Variants in GET3 observed in about 807,000 individuals in gnomAD.
The protein encoded by GET3 is ATPase GET3.
Under a neutral mutation model 32.4 loss-of-function variants are expected in GET3, and 15 were observed. The observed-to-expected ratio is 0.46, with a 90% CI of 0.31 to 0.71. The LOEUF (loss-of-function observed/expected upper bound fraction) is 0.71. Ranked by LOEUF, GET3 falls within the 30% of genes least tolerant of loss-of-function variation. GET3 has a pLI of 0.05. For synonymous variants in GET3, 198 were observed against 185.6 expected, an observed-to-expected ratio of 1.07 and a Z score of -0.54; for missense variants, 333 against 459.0, an observed-to-expected ratio of 0.73 and a Z score of 2.51.
At chr19:12,738,176 C>T (rs918830320) in intron 1 of GET3, among the ~76,000 whole-genome samples, 1 of 152,082 alleles carries the variant, frequency 6.6e-6, no homozygotes, top group South Asian at 2.1e-4. Context: ...CAGGAGACCC[C>T]TTAGCTTATT....
intron 1 of GET3, 89 bp downstream of exon 1, chr19:12,737,755 G>A: frequency 1.4e-6 from 2 of 1,464,354 alleles, no homozygotes; most frequent in African/African-American, 1.5e-5. Context: ...CACCACGACC[G>A]GGGCATGGGG....
chr19:12,744,170 C>G (rs958553616), intron 2 of GET3, among the ~76,000 whole-genome samples: 1 of 145,986 alleles, frequency 6.8e-6, no homozygotes, highest in African/African-American at 2.5e-5. Context: ...GAGCTGAGAT[C>G]GCGCCACTGC....
chr19:12,742,921 G>C (rs1017719100), intron 2 of GET3, among the ~76,000 whole-genome samples: 1 of 152,190 alleles, frequency 6.6e-6, no homozygotes. Context: ...ACAGCAAGGG[G>C]AAAGGGAGTG....
At chr19:12,740,441 C>T (rs947555336) in intron 2 of GET3, among the ~76,000 whole-genome samples, 1 of 151,900 alleles carries the variant, frequency 6.6e-6, no homozygotes, top group Non-Finnish European at 1.5e-5. Context: ...CTTTGGGAGG[C>T]TGAGGCGGGC....
At chr19:12,743,500 G>A (rs1242013885) in intron 2 of GET3, among the ~76,000 whole-genome samples, 1 of 150,120 alleles carries the variant, frequency 6.7e-6, no homozygotes, top group Non-Finnish European at 1.5e-5. Flanking sequence ...ACAAAAATTA[G>A]CCAGGCATGG....
chr19:12,747,836 T>A lies in GET3; in HGVS notation c.916-137T>A, dbSNP rs1026063841. The A allele has an allele frequency of 1.9e-6, 2 of 1,056,566 alleles. No individual in the cohort carries two copies. Among genetic ancestry groups the A allele is most frequent in the Non-Finnish European group, 2.8e-6 (2 of 724,552 alleles). The allele number at this position is 1,056,566 out of a possible 1,614,324, so 65.4% of individuals were successfully genotyped here. On this transcript the variant is annotated intron_variant, in intron 6 of 6. Transcript: ENST00000357332. This position sits in a 1 kb window ranked among gnomAD's most constrained non-coding sequence, Gnocchi z 4.0. Reference sequence around the variant, plus strand: ...ACCATAGTGATGCAGCTCCCACTTATGACACCTTAAGCTCCTGCCCTATAT... The same window carrying A: ...ACCATAGTGATGCAGCTCCCACTTAAGACACCTTAAGCTCCTGCCCTATAT...
At chr19:12,737,296 G>A (rs1279440246), upstream of GET3, 14 of 660,924 alleles carry the variant, frequency 2.1e-5, no homozygotes, top group South Asian at 1.8e-4. Context: ...TCATTAGGTA[G>A]GGGGAACCCT....
intron 2 of GET3, among the ~76,000 whole-genome samples, chr19:12,740,372 C>A (rs1967645561): frequency 1.3e-5 from 2 of 150,480 alleles, no homozygotes; most frequent in Admixed American, 6.6e-5. Context: ...CAGAGCAACA[C>A]TCTGTCTCAA....
chr19:12,737,493 A>T (rs762605307), upstream of GET3: 2 of 1,527,916 alleles, frequency 1.3e-6, no homozygotes, highest in Non-Finnish European at 1.8e-6. Flanking sequence ...GGATCACGTG[A>T]GCCAGTTCCA....
At position 12,745,619 on chromosome 19, in the gene GET3, G is replaced by A; in HGVS notation, c.469G>A (p.Gly157Ser). ...CCTGTCTCCCCTCAGGCTGGTGAAGGGCATGAACTTCTCGGTGGTGGTATT... is the reference window on the plus strand; with the variant it reads ...CCTGTCTCCCCTCAGGCTGGTGAAGAGCATGAACTTCTCGGTGGTGGTATT... The part of the protein sequence containing the change: ...SYAEVMRLVK[G>S]MNFSVVVFDT... Residue 157 changes from glycine to serine, a missense_variant, in exon 4 of 7, where the codon GGC becomes AGC. This residue lies in a region of GET3 where 230 missense variants were observed against 389.2 expected (regional missense o/e 0.59). Transcript: ENST00000357332. This position sits in a 1 kb window ranked among gnomAD's most constrained non-coding sequence, Gnocchi z 5.0. 6.2e-7 allele frequency: 1 copy of A among 1,612,878 alleles called. No homozygotes were observed. Among genetic ancestry groups the A allele is most frequent in the South Asian group, 1.1e-5 (1 of 91,078 alleles).
intron 1 of GET3, among the ~76,000 whole-genome samples, chr19:12,738,099 G>A (rs540771671): frequency 7.2e-5 from 11 of 152,270 alleles, no homozygotes; most frequent in Admixed American, 5.2e-4. Context: ...GCTACAGGCA[G>A]GAGGTGTCCG....
chr19:12,741,123 A>T (rs1599448637), intron 2 of GET3, among the ~76,000 whole-genome samples: 1 of 152,002 alleles, frequency 6.6e-6, no homozygotes. Flanking sequence ...GGAGTTAAAG[A>T]CCAGCCTAGC....
In GET3 at chr19:12,747,935, C is replaced by A. The variant is rs1275207280; in HGVS notation, c.916-38C>A. 1.9e-6 allele frequency: 3 copies of A among 1,553,096 alleles called. No individual in the cohort carries two copies. Among genetic ancestry groups the A allele is most frequent in the Non-Finnish European group, 2.6e-6 (3 of 1,144,034 alleles). On this transcript the variant is annotated intron_variant, in intron 6 of 6. Transcript: ENST00000357332. The surrounding 1 kb of genome is among the most constrained non-coding windows in gnomAD (Gnocchi z 4.0). ...CACACTCTGTCTCTGCCTTCCTGCC[C>A]CCTGACCACTGCCTTCTACCCTCTG... is the stretch of plus-strand genomic sequence containing the variant.
At position 12,747,442 on chromosome 19, in the gene GET3, G is replaced by C; in HGVS notation, c.765G>C (p.Leu255=). ...TATGCATTGCTGAGTTCCTGTCCCT[G>C]TATGAGACAGAGAGGCTGATCCAGG... ...ICVCIAEFLS[L]YETERLIQEL... Residue 255 remains leucine (L), a synonymous_variant, in exon 6 of 7, where the codon CTG becomes CTC. Coordinates refer to ENST00000357332, the MANE Select transcript of GET3 (RefSeq NM_004317.4). The surrounding 1 kb of genome is among the most constrained non-coding windows in gnomAD (Gnocchi z 4.0). 1 of 1,614,100 alleles carries C rather than the reference G, an allele frequency of 6.2e-7. No individual in the cohort carries two copies. Among genetic ancestry groups the C allele is most frequent in the Non-Finnish European group, 8.5e-7 (1 of 1,180,018 alleles).
chr19:12,747,490 C>G lies in GET3; in HGVS notation c.813C>G (p.Asp271Glu). ...LIQELAKCKI[D>E]THNIIVNQLV... ...AGGAGCTGGCCAAGTGCAAGATTGA[C>G]ACACACAATATAATTGTCAACCAGC... The change falls in exon 6 of 7, where the codon GAC (aspartate) becomes GAG (glutamate). Residue 271 changes from aspartate (D) to glutamate (E), a missense_variant. This residue lies in a region of GET3 where 230 missense variants were observed against 389.2 expected (regional missense o/e 0.59). Transcript: ENST00000357332. The surrounding 1 kb of genome is among the most constrained non-coding windows in gnomAD (Gnocchi z 4.0). The G allele has an allele frequency of 1.2e-6, 2 of 1,614,096 alleles. No homozygotes were observed. The highest frequency in any genetic ancestry group is 1.7e-6 in the Non-Finnish European group (2 of 1,180,014).
chr19:12,743,560 G>A (rs1180172584), intron 2 of GET3, among the ~76,000 whole-genome samples: 2 of 151,112 alleles, frequency 1.3e-5, no homozygotes, highest in Admixed American at 6.6e-5. Context: ...GGAGGCCGAG[G>A]TGGGTGGATC....
Position 12,748,020 on chromosome 19 carries a change from AC to A in GET3, c.967del (p.His323MetfsTer82). ...DFHIVKLPLL[P>X]HEVRGADKVN... The stretch of plus-strand genomic sequence containing the variant: ...TCCACATCGTGAAGCTGCCGCTGTT[AC>A]CCCATGAGGTGCGGGGGGCAGACAA... On this transcript the variant is annotated frameshift_variant, in exon 7 of 7. Coordinates refer to ENST00000357332, the MANE Select transcript of GET3 (RefSeq NM_004317.4). LOFTEE classifies it high-confidence loss of function. 6.2e-7 allele frequency: 1 copy of A among 1,611,476 alleles called. No individual in the cohort carries two copies. Among genetic ancestry groups the A allele is most frequent in the Non-Finnish European group, 8.5e-7 (1 of 1,178,248 alleles).
upstream of GET3, chr19:12,737,440 TAGAG>T (rs925317139): frequency 2.1e-6 from 3 of 1,395,402 alleles, no homozygotes; most frequent in African/African-American, 1.5e-5. Flanking sequence ...AGGAATGTGA[TAGAG>T]AATTTCCCCT....
rs1309048418 is a variant in GET3, at chr19:12,747,791, G to T, written c.916-182G>T. On this transcript the variant is annotated intron_variant, in intron 6 of 6. Coordinates refer to ENST00000357332, the MANE Select transcript of GET3 (RefSeq NM_004317.4). The surrounding 1 kb of genome is among the most constrained non-coding windows in gnomAD (Gnocchi z 4.0). ...TCCCTGTGACCCTGGAGAGCAGGGG[G>T]TCTAGCCCAGTGATCTCTGACCATA... Among the ~76,000 whole-genome samples the T allele has an allele frequency of 6.6e-6, 1 of 152,146 alleles. No homozygotes were observed. Among genetic ancestry groups the T allele is most frequent in the African/African-American group, 2.4e-5 (1 of 41,416 alleles).
Sources: allele counts gnomAD v4.1 joint callset (sites outside exome capture counted in the v4.1 genomes callset), GRCh38; gene constraint gnomAD v4.1.1; regional missense constraint gnomAD v4.1.1; non-coding constraint Gnocchi (gnomAD v3.1); transcripts MANE v1.5; gene names NCBI Gene and HGNC (gene_info 2026-07-23, HGNC 2026-07-21).